ATXN7L1: variants seen among roughly 807,000 people sequenced by gnomAD.
ATXN7L1 encodes the protein ataxin 7 like 1, also known as ataxin-7-like protein 1.
Under a neutral mutation model 70.8 loss-of-function variants are expected in ATXN7L1, and 15 were observed. That is an observed-to-expected ratio of 0.21 (90% confidence interval 0.14 to 0.33). The LOEUF (loss-of-function observed/expected upper bound fraction) is 0.33, where lower values mean the gene tolerates loss of function less well. Ranked by LOEUF, ATXN7L1 falls within the 10% of genes least tolerant of loss-of-function variation. The pLI is 1.00. For synonymous variants in ATXN7L1, 440 were observed against 445.1 expected (o/e 0.99, Z 0.14); for missense variants, 975 against 1,097.1 (o/e 0.89, Z 1.57).
chr7:105,874,110 T>G (rs1585210152), intron 2 of ATXN7L1, among the ~76,000 whole-genome samples: 1 of 121,916 alleles, frequency 8.2e-6, no homozygotes, highest in Non-Finnish European at 1.6e-5. Context: ...GGCGACAGAG[T>G]GAGAATCCGT....
chr7:105,828,359 A>T (rs1255120605), intron 2 of ATXN7L1, among the ~76,000 whole-genome samples: 5 of 152,206 alleles, frequency 3.3e-5, no homozygotes, highest in African/African-American at 9.6e-5. Flanking sequence ...AAGGACAGGG[A>T]GAATGACCTG....
At chr7:105,715,267 G>T (rs930539242) in intron 3 of ATXN7L1, among the ~76,000 whole-genome samples, 1 of 152,206 alleles carries the variant, frequency 6.6e-6, no homozygotes, top group Non-Finnish European at 1.5e-5. Flanking sequence ...ACTTCTCTGA[G>T]CCTCACCTTC....
At chr7:105,721,993 T>TGTGA (rs201268386) in intron 3 of ATXN7L1, among the ~76,000 whole-genome samples, 1 of 152,228 alleles carries the variant, frequency 6.6e-6, no homozygotes, top group African/African-American at 2.4e-5. Context: ...GAGGGGTGTG[T>TGTGA]GTGAGTGAGT....
chr7:105,807,371 C>T (rs1807765877), intron 2 of ATXN7L1, among the ~76,000 whole-genome samples: 1 of 152,190 alleles, frequency 6.6e-6, no homozygotes, highest in African/African-American at 2.4e-5. Context: ...ACTGCACTTC[C>T]CTGCCTCAAA....
At chr7:105,798,166 G>C (rs1479849706) in intron 2 of ATXN7L1, among the ~76,000 whole-genome samples, 1 of 152,196 alleles carries the variant, frequency 6.6e-6, no homozygotes, top group African/African-American at 2.4e-5. Context: ...CAGGTGAGCC[G>C]TCAGTGGAGA....
intron 2 of ATXN7L1, among the ~76,000 whole-genome samples, chr7:105,812,521 T>A (rs570650423): frequency 1.1e-4 from 16 of 152,348 alleles, no homozygotes; most frequent in Admixed American, 3.9e-4. Flanking sequence ...CAAACTTTAC[T>A]GAGCATATCA....
intron 3 of ATXN7L1, among the ~76,000 whole-genome samples, chr7:105,709,221 C>G (rs1793571321): frequency 6.6e-6 from 1 of 152,062 alleles, no homozygotes; most frequent in African/African-American, 2.4e-5. Context: ...ATAATCCCAG[C>G]TACTTGGGAG....
chr7:105,817,054 G>GA (rs1348426312), intron 2 of ATXN7L1, among the ~76,000 whole-genome samples: 5 of 152,232 alleles, frequency 3.3e-5, no homozygotes, highest in Admixed American at 3.3e-4. Context: ...ATCGGACCAG[G>GA]AAAGTGTTAA....
chr7:105,649,889 G>A (rs1341469306), intron 4 of ATXN7L1, among the ~76,000 whole-genome samples: 2 of 152,154 alleles, frequency 1.3e-5, no homozygotes, highest in Non-Finnish European at 2.9e-5. Context: ...TTCGACAAAA[G>A]CCTATGTGCT....
chr7:105,664,843 A>G, intron 4 of ATXN7L1, among the ~76,000 whole-genome samples: 1 of 151,956 alleles, frequency 6.6e-6, no homozygotes, highest in African/African-American at 2.4e-5. Context: ...CTGGGATTAC[A>G]GGTGTGAGCG....
At chr7:105,769,121 T>C (rs1801654631) in intron 3 of ATXN7L1, among the ~76,000 whole-genome samples, 1 of 152,240 alleles carries the variant, frequency 6.6e-6, no homozygotes, top group Admixed American at 6.5e-5. Context: ...CCAGTGTACC[T>C]TACTGAGTTG....
chr7:105,799,229 A>G (rs1471939277), intron 2 of ATXN7L1, among the ~76,000 whole-genome samples: 1 of 152,256 alleles, frequency 6.6e-6, no homozygotes, highest in Non-Finnish European at 1.5e-5. Context: ...GTGGGACTGC[A>G]TCGCAGCAGG....
At chr7:105,813,440 C>T (rs989421485) in intron 2 of ATXN7L1, among the ~76,000 whole-genome samples, 4 of 151,080 alleles carry the variant, frequency 2.6e-5, no homozygotes, top group African/African-American at 4.9e-5. Context: ...CAGGTTCAAG[C>T]GATTCTCCTG....
intron 4 of ATXN7L1, chr7:105,649,330 G>A: frequency 1.0e-6 from 1 of 976,566 alleles, no homozygotes; most frequent in Non-Finnish European, 1.2e-6. Flanking sequence ...CTGTACCTCT[G>A]TCTCGGTCCT....
intron 3 of ATXN7L1, among the ~76,000 whole-genome samples, chr7:105,676,952 C>T (rs1350320461): frequency 2.0e-5 from 3 of 152,188 alleles, no homozygotes; most frequent in African/African-American, 2.4e-5. Context: ...ACAGCTGGAC[C>T]GAATCTTCCC....
intron 3 of ATXN7L1, among the ~76,000 whole-genome samples, chr7:105,782,733 A>G (rs1803715187): frequency 6.6e-6 from 1 of 152,248 alleles, no homozygotes. Context: ...TAGGGGCCTA[A>G]TGTGAATGTA....
intron 3 of ATXN7L1, among the ~76,000 whole-genome samples, chr7:105,671,125 A>G (rs1211743908): frequency 1.1e-5 from 1 of 88,676 alleles, no homozygotes; most frequent in Non-Finnish European, 2.4e-5. Context: ...AAAAAAAAAA[A>G]AAAAAAAATT....
chr7:105,689,161 G>C (rs777342072), intron 3 of ATXN7L1, among the ~76,000 whole-genome samples: 3 of 152,038 alleles, frequency 2.0e-5, no homozygotes, highest in Non-Finnish European at 4.4e-5. Context: ...CACTCCCCTG[G>C]GGCCAAGAGA....
chr7:105,725,193 G>A (rs1039677560), intron 3 of ATXN7L1, among the ~76,000 whole-genome samples: 2 of 152,146 alleles, frequency 1.3e-5, no homozygotes. Flanking sequence ...ACAAGGTCCA[G>A]AATACAAAGC....
Sources: allele counts gnomAD v4.1 joint callset (sites outside exome capture counted in the v4.1 genomes callset), GRCh38; gene constraint gnomAD v4.1.1; transcripts MANE v1.5; gene names NCBI Gene and HGNC (gene_info 2026-07-23, HGNC 2026-07-21).